Variants in RAB27A observed in about 807,000 individuals in gnomAD.
RAB27A encodes ras-related protein Rab-27A.
A neutral mutation model predicts 20.8 loss-of-function variants in RAB27A; 17 were observed. The observed-to-expected ratio is 0.82, with a 90% CI of 0.56 to 1.23. The LOEUF (loss-of-function observed/expected upper bound fraction) is 1.23, where lower values mean the gene tolerates loss of function less well. Among genes scored for constraint, RAB27A ranks in the 50% most tolerant of loss-of-function variants. The pLI, the probability that RAB27A is intolerant of heterozygous loss-of-function variation, is 0.00. For missense variants in RAB27A, 277 were observed against 266.7 expected (o/e 1.04, Z -0.27); for synonymous variants, 85 against 92.8 (o/e 0.92, Z 0.48).
intron 2 of RAB27A, among the ~76,000 whole-genome samples, chr15:55,305,220 C>T (rs1217420619): frequency 6.6e-6 from 1 of 152,184 alleles, no homozygotes; most frequent in African/African-American, 2.4e-5. Flanking sequence ...CCCTACTCCA[C>T]AGGAAAACCC....
At chr15:55,272,163 A>G (rs1281178794) in intron 1 of RAB27A, among the ~76,000 whole-genome samples, 1 of 152,180 alleles carries the variant, frequency 6.6e-6, no homozygotes, top group Non-Finnish European at 1.5e-5. Context: ...CAAAATGCTA[A>G]TTCTGATTCA....
At chr15:55,233,725 T>C (rs1432896881) in intron 3 of RAB27A, among the ~76,000 whole-genome samples, 1 of 152,200 alleles carries the variant, frequency 6.6e-6, no homozygotes, top group Non-Finnish European at 1.5e-5. Flanking sequence ...TAAAATTGAA[T>C]GGCTGTGATG....
intron 2 of RAB27A, among the ~76,000 whole-genome samples, chr15:55,310,444 C>T (rs1261350024): frequency 6.6e-6 from 1 of 152,180 alleles, no homozygotes; most frequent in African/African-American, 2.4e-5. Flanking sequence ...ACCTTCATCC[C>T]CTGGGGCAGT....
At chr15:55,291,531 A>G (rs1006795899), upstream of RAB27A, among the ~76,000 whole-genome samples, 14 of 149,168 alleles carry the variant, frequency 9.4e-5, no homozygotes, top group East Asian at 2.7e-3. Context: ...AAAAAAAAAA[A>G]AAAAAAAAAA....
intron 6 of RAB27A, 122 bp downstream of exon 6, chr15:55,223,767 G>C: frequency 8.4e-7 from 1 of 1,188,768 alleles, no homozygotes; most frequent in Non-Finnish European, 1.2e-6. Context: ...CATTCAACAT[G>C]CCCCAAGGCC....
chr15:55,262,659 A>G (rs563587204), intron 2 of RAB27A, among the ~76,000 whole-genome samples: 1 of 143,260 alleles, frequency 7.0e-6, no homozygotes, highest in Non-Finnish European at 1.5e-5. Flanking sequence ...TTGAGACAAG[A>G]TCTCACTCTG....
intron 2 of RAB27A, among the ~76,000 whole-genome samples, chr15:55,241,624 A>ATATATATATATATATATATATT (rs377301086): frequency 8.5e-6 from 1 of 117,664 alleles, no homozygotes; most frequent in African/African-American, 4.4e-5. Flanking sequence ...ATATATATAT[A>ATATATATATATATATATATATT]TGTGTGTATA....
chr15:55,215,258 C>T (rs1213402787), intron 6 of RAB27A, among the ~76,000 whole-genome samples: 3 of 152,170 alleles, frequency 2.0e-5, no homozygotes, highest in Non-Finnish European at 4.4e-5. Context: ...AAAATTACTT[C>T]ACCATCATTT....
Position 55,209,934 on chromosome 15 carries a change from A to G in RAB27A, c.468-4229T>C, listed in dbSNP as rs1352562949. ...TGTATGTATATACACACATATATGT[A>G]TGTACATGTACACACATACGCATAT... On this transcript the variant is annotated intron_variant, in intron 6 of 6. Coordinates refer to ENST00000336787, the MANE Select transcript of RAB27A (RefSeq NM_183235.3). 1.3e-4 allele frequency among the ~76,000 whole-genome samples: 15 copies of G among 119,982 alleles called. 1 individual carries two copies. Among genetic ancestry groups the G allele is most frequent in the South Asian group, 7.4e-4 (3 of 4,044 alleles). 78.7% of individuals were successfully genotyped at this position (119,982 alleles called of 152,430 possible). A position where few individuals can be genotyped will look rare whatever the true frequency, so the allele number is the denominator to read the frequency against.
intron 2 of RAB27A, among the ~76,000 whole-genome samples, chr15:55,254,049 G>A (rs977081743): frequency 2.6e-5 from 4 of 152,150 alleles, no homozygotes; most frequent in Admixed American, 6.6e-5. Context: ...AGAGATAACT[G>A]TAAAGTAGTA....
chr15:55,234,632 G>A, intron 3 of RAB27A, 150 bp downstream of exon 3: 1 of 828,502 alleles, frequency 1.2e-6, no homozygotes, highest in Non-Finnish European at 1.9e-6. Context: ...TTTCAATCAT[G>A]TTGCCTGGAT....
At chr15:55,312,938 T>C (rs937027952) in intron 2 of RAB27A, among the ~76,000 whole-genome samples, 1 of 152,126 alleles carries the variant, frequency 6.6e-6, no homozygotes, top group Admixed American at 6.6e-5. Context: ...ACAACTGCTC[T>C]CCATCTCTCT....
At chr15:55,246,435 T>C (rs1896688554) in intron 2 of RAB27A, among the ~76,000 whole-genome samples, 1 of 152,012 alleles carries the variant, frequency 6.6e-6, no homozygotes, top group South Asian at 2.1e-4. Context: ...TTTTTTAATT[T>C]ATTGAAACCA....
chr15:55,264,016 T>C (rs1343612119), intron 2 of RAB27A, among the ~76,000 whole-genome samples: 1 of 152,222 alleles, frequency 6.6e-6, no homozygotes, highest in African/African-American at 2.4e-5. Flanking sequence ...GTCTCTCAAC[T>C]ATAGCCAGGG....
intron 6 of RAB27A, among the ~76,000 whole-genome samples, chr15:55,223,336 C>A (rs2094499385): frequency 6.6e-6 from 1 of 151,760 alleles, no homozygotes; most frequent in South Asian, 2.1e-4. Flanking sequence ...ACCAGAAACC[C>A]CATCTCTACT....
chr15:55,284,531 A>C (rs961518253), intron 1 of RAB27A, among the ~76,000 whole-genome samples: 11 of 152,222 alleles, frequency 7.2e-5, no homozygotes, highest in Non-Finnish European at 1.6e-4. Context: ...GACAAGAACC[A>C]CATGGGGCTT....
At chr15:55,226,455 C>G (rs145932728) in intron 5 of RAB27A, among the ~76,000 whole-genome samples, 62 of 152,120 alleles carry the variant, frequency 4.1e-4, no homozygotes, top group African/African-American at 1.4e-3. Context: ...CACGAGTCAG[C>G]TACTTCTTTA....
At chr15:55,215,336 T>C (rs1895229715) in intron 6 of RAB27A, among the ~76,000 whole-genome samples, 1 of 152,168 alleles carries the variant, frequency 6.6e-6, no homozygotes, top group Non-Finnish European at 1.5e-5. Flanking sequence ...ATGGAAGTTA[T>C]CAACAACATG....
At chr15:55,227,089 G>A (rs1284275433) in intron 5 of RAB27A, among the ~76,000 whole-genome samples, 1 of 152,094 alleles carries the variant, frequency 6.6e-6, no homozygotes, top group Non-Finnish European at 1.5e-5. Flanking sequence ...ATACGTATAA[G>A]TGTTCTTTAC....
Sources: gnomAD v4.1 joint callset for allele counts (sites outside exome capture counted in the v4.1 genomes callset) on GRCh38, gnomAD v4.1.1 for gene constraint, MANE v1.5 for transcripts, NCBI Gene and HGNC (gene_info 2026-07-23, HGNC 2026-07-21) for gene names.